The following GRHL3 variants were observed in gnomAD, a reference collection of about 807,000 sequenced individuals.
GRHL3 encodes grainyhead like transcription factor 3.
A neutral mutation model predicts 70.3 loss-of-function variants in GRHL3; 20 were observed. The observed-to-expected ratio is 0.28, with a 90% confidence interval of 0.20 to 0.41. GRHL3 has a LOEUF of 0.41. Among genes scored for constraint, GRHL3 ranks in the 10% least tolerant of loss-of-function variants. The probability of loss-of-function intolerance (pLI) is 1.00; values close to 1 mark genes in which losing one functional copy is unlikely to be tolerated. For synonymous variants in GRHL3, 299 were observed against 299.9 expected (o/e 1.00, Z 0.03); for missense variants, 637 against 762.3 (o/e 0.84, Z 1.94).
At chr1:24,352,953 T>G (rs912408983) in intron 15 of GRHL3, among the ~76,000 whole-genome samples, 1 of 152,210 alleles carries the variant, frequency 6.6e-6, no homozygotes, top group African/African-American at 2.4e-5. Flanking sequence ...CGGGTCCATG[T>G]TGTCTCCATT....
At chr1:24,358,566 T>C, downstream of GRHL3, 2 of 1,614,134 alleles carry the variant, frequency 1.2e-6, no homozygotes, top group Non-Finnish European at 1.7e-6. Flanking sequence ...ATCCATTTCT[T>C]GTCCTCGTTG....
intron 15 of GRHL3, among the ~76,000 whole-genome samples, chr1:24,362,476 T>C (rs190423289): frequency 5.1e-4 from 77 of 152,304 alleles, no homozygotes; most frequent in Admixed American, 7.9e-4. Context: ...GATTTCTCTA[T>C]AGCTTAGCGT....
rs1238381843 is a variant in GRHL3 at position 24,334,042 on chromosome 1, G to A, written c.205-603G>A. 2.0e-5 allele frequency among the ~76,000 whole-genome samples: 3 copies of A among 152,146 alleles called. No homozygotes were observed. The highest frequency in any genetic ancestry group is 1.5e-5 in the Non-Finnish European group (1 of 68,034). ...TTCAAGTGGCATTTCTAGGACTTAC[G>A]CCAGGCCTGCCTGACTCCAAATTTC... On this transcript the variant is annotated intron_variant, in intron 2 of 15. Transcript: ENST00000361548. The surrounding 1 kb of genome is among the most constrained non-coding windows in gnomAD (Gnocchi z 4.3).
intron 3 of GRHL3, 69 bp from the exon 4 acceptor site, chr1:24,336,413 G>T: frequency 1.0e-6 from 1 of 1,003,034 alleles, no homozygotes; most frequent in African/African-American, 1.6e-5. Context: ...CAGTTGCCTT[G>T]CACTCTAGCC....
At chr1:24,324,138 G>GAAAAGGAA (rs906054952) in intron 1 of GRHL3, among the ~76,000 whole-genome samples, 10 of 152,172 alleles carry the variant, frequency 6.6e-5, no homozygotes, top group African/African-American at 2.4e-4. Flanking sequence ...GATGGGGGGA[G>GAAAAGGAA]AAAAGGAAAA....
intron 14 of GRHL3, 78 bp downstream of exon 14, chr1:24,347,631 G>T: frequency 8.5e-7 from 1 of 1,173,160 alleles, no homozygotes; most frequent in South Asian, 1.2e-5. Flanking sequence ...ACGCAGTTCT[G>T]ATTTCCCACA....
chr1:24,323,259 C>T, intron 1 of GRHL3: 1 of 648,152 alleles, frequency 1.5e-6, no homozygotes. Flanking sequence ...GGACCATCAT[C>T]ATCATCATCA....
intron 5 of GRHL3, chr1:24,337,409 T>A: frequency 1.7e-6 from 1 of 599,238 alleles, no homozygotes. Flanking sequence ...CCCCTCAAGG[T>A]TCTCTCTAAT....
downstream of GRHL3, among the ~76,000 whole-genome samples, chr1:24,359,269 G>T (rs959794635): frequency 2.6e-5 from 4 of 152,256 alleles, no homozygotes; most frequent in African/African-American, 9.6e-5. This position sits in a 1 kb window ranked among gnomAD's most constrained non-coding sequence, Gnocchi z 5.3. Flanking sequence ...GGCAGGAGCT[G>T]CCTGTCTCTG....
At chr1:24,335,711 C>T (rs1052747138) in intron 3 of GRHL3, among the ~76,000 whole-genome samples, 2 of 151,868 alleles carry the variant, frequency 1.3e-5, no homozygotes, top group African/African-American at 4.8e-5. Flanking sequence ...GCCTCCCGAG[C>T]AGCTGGGACT....
rs756211555 is a variant in GRHL3 at position 24,331,444 on chromosome 1, G to A, written c.36G>A (p.Leu12=). ...SNELDFRSVR[L]LKNDPVNLQK... ...CATTCAGTTTCAGGTCTGTGCGGCT[G>A]CTAAAGAACGACCCAGTCAACTTGC... The change falls in exon 2 of 16, where the codon CTG becomes CTA. Residue 12 remains leucine (L), a synonymous_variant. Coordinates refer to ENST00000361548, the MANE Select transcript of GRHL3 (RefSeq NM_198173.3). The A allele has an allele frequency of 6.8e-6, 11 of 1,612,808 alleles. No individual in the cohort carries two copies. The highest frequency in any genetic ancestry group is 7.6e-6 in the Non-Finnish European group (9 of 1,179,320).
chr1:24,362,368 G>C (rs1385135006), intron 15 of GRHL3, among the ~76,000 whole-genome samples: 2 of 152,218 alleles, frequency 1.3e-5, no homozygotes, highest in Non-Finnish European at 2.9e-5. Context: ...GCAATATGGA[G>C]AAAGCATGAT....
rs1433705284 is a variant in GRHL3, at chr1:24,337,798, G to A, written c.840+9G>A. Reference sequence around the variant, plus strand: ...CCTCCAACAAAGTCAAGGTGCGTTGGCCTGGAGCAGCTTCAGAAGGGGTGG... The same window carrying A: ...CCTCCAACAAAGTCAAGGTGCGTTGACCTGGAGCAGCTTCAGAAGGGGTGG... On this transcript the variant is annotated intron_variant, in intron 6 of 15. Coordinates refer to ENST00000361548, the MANE Select transcript of GRHL3 (RefSeq NM_198173.3). The A allele has an allele frequency of 1.2e-6, 2 of 1,614,110 alleles. No homozygotes were observed. Among genetic ancestry groups the A allele is most frequent in the East Asian group, 4.5e-5 (2 of 44,872 alleles).
In GRHL3 at chr1:24,354,649, G is replaced by C; in HGVS notation, c.*161G>C. 1.7e-6 allele frequency: 1 copy of C among 580,460 alleles called. No homozygotes were observed. The highest frequency in any genetic ancestry group is 3.1e-6 in the Non-Finnish European group (1 of 323,258). The allele number at this position is 580,460 out of a possible 1,614,324, so 36.0% of individuals were successfully genotyped here. On this transcript the variant is annotated 3_prime_UTR_variant, in exon 16 of 16. Transcript: ENST00000361548. Reference sequence around the variant, plus strand: ...CAGACCCACAGACGTCAGGGCCAGGGAGAGACCTAGGGGGTCCCCTGGCCT... The same window carrying C: ...CAGACCCACAGACGTCAGGGCCAGGCAGAGACCTAGGGGGTCCCCTGGCCT...
At position 24,342,330 on chromosome 1, in the gene GRHL3, C is replaced by G. The variant is rs373505667; in HGVS notation, c.1206+57C>G. The G allele has an allele frequency of 1.4e-4, 196 of 1,441,138 alleles. 1 individual carries two copies. In the South Asian group the frequency reaches 2.5e-3, roughly 18 times the overall value. The allele number at this position is 1,441,138 out of a possible 1,614,324, so 89.3% of individuals were successfully genotyped here. A position where few individuals can be genotyped will look rare whatever the true frequency, so the allele number is the denominator to read the frequency against. ...CCCGGGGAGGTAGAAGGGCCAAACC[C>G]TGACCCGTGCGTCCTCCTAGCTTCT... On this transcript the variant is annotated intron_variant, in intron 9 of 15. Transcript: ENST00000361548. The surrounding 1 kb of genome is among the most constrained non-coding windows in gnomAD (Gnocchi z 4.8).
chr1:24,336,684 G>A lies in GRHL3; in HGVS notation c.469G>A (p.Ala157Thr), dbSNP rs1639828222. ...PLPAGPSKLE[A>T]GSVDSYLLPT... ...CCCTGCAGGCCCCAGCAAGCTGGAGGCCGGCTCTGTGGACAGCTACCTGTT... is the reference window on the plus strand; with the variant it reads ...CCCTGCAGGCCCCAGCAAGCTGGAGACCGGCTCTGTGGACAGCTACCTGTT... Residue 157 changes from alanine (A) to threonine (T), a missense_variant, in exon 4 of 16, where the codon GCC becomes ACC. Ala to Thr is a moderately conservative substitution (Grantham distance 58). Coordinates refer to ENST00000361548, the MANE Select transcript of GRHL3 (RefSeq NM_198173.3). 1 of 1,614,018 alleles carries A rather than the reference G, an allele frequency of 6.2e-7. No individual in the cohort carries two copies. The highest frequency in any genetic ancestry group is 1.1e-5 in the South Asian group (1 of 91,072).
At chr1:24,364,166 C>A in intron 15 of GRHL3, 1 of 1,487,708 alleles carries the variant, frequency 6.7e-7, no homozygotes, top group African/African-American at 1.4e-5. Context: ...CAATTCTTGA[C>A]GTTCTCACTT....
At position 24,342,253 on chromosome 1, in the gene GRHL3, A is replaced by G. The variant is rs1481839098; in HGVS notation, c.1186A>G (p.Ile396Val). ...CCTGGTACACCGTGCTGTCTGCCAGATCAAGATCTTCTGTGACAAGGTGGC... is the reference window on the plus strand; with the variant it reads ...CCTGGTACACCGTGCTGTCTGCCAGGTCAAGATCTTCTGTGACAAGGTGGC... ...ERLVHRAVCQ[I>V]KIFCDKGAER... The change falls in exon 9 of 16, where the codon ATC becomes GTC. Residue 396 changes from isoleucine to valine, a missense_variant. By Grantham distance (29) the Ile-to-Val change is conservative. This residue lies in a region of GRHL3 where 387 missense variants were observed against 513.8 expected (regional missense o/e 0.75). Coordinates refer to ENST00000361548, the MANE Select transcript of GRHL3 (RefSeq NM_198173.3). This position sits in a 1 kb window ranked among gnomAD's most constrained non-coding sequence, Gnocchi z 4.8. 16 of 1,609,276 alleles carry G rather than the reference A, an allele frequency of 9.9e-6. No individual in the cohort carries two copies. The highest frequency in any genetic ancestry group is 1.7e-5 in the Admixed American group (1 of 59,492).
chr1:24,350,215 T>C (rs1211992812), intron 15 of GRHL3, 93 bp downstream of exon 15: 1 of 1,078,684 alleles, frequency 9.3e-7, no homozygotes, highest in Admixed American at 2.2e-5. Flanking sequence ...GGATGTGGAG[T>C]TGGGGTGGAG....
Sources: allele counts gnomAD v4.1 joint callset (sites outside exome capture counted in the v4.1 genomes callset), GRCh38; gene constraint gnomAD v4.1.1; regional missense constraint gnomAD v4.1.1; non-coding constraint Gnocchi (gnomAD v3.1); transcripts MANE v1.5; gene names NCBI Gene and HGNC (gene_info 2026-07-23, HGNC 2026-07-21).